SYN3: variants seen among roughly 807,000 people sequenced by gnomAD.
The protein encoded by SYN3 is synapsin-3.
Under a neutral mutation model 65.8 loss-of-function variants are expected in SYN3, and 35 were observed. The observed-to-expected ratio is 0.53, with a 90% CI of 0.41 to 0.70. The LOEUF is 0.70. Ranked by LOEUF, SYN3 falls within the 30% of genes least tolerant of loss-of-function variation. The pLI is 0.00. For synonymous variants in SYN3, 270 were observed against 292.9 expected, an observed-to-expected ratio of 0.92 and a Z score of 0.80; for missense variants, 680 against 749.0, an observed-to-expected ratio of 0.91 and a Z score of 1.08.
At chr22:32,651,311 C>A (rs963326208) in intron 6 of SYN3, among the ~76,000 whole-genome samples, 25 of 151,976 alleles carry the variant, frequency 1.6e-4, no homozygotes, top group Admixed American at 9.2e-4. Context: ...GGAGTCAGTG[C>A]CCCAGAGGAA....
At position 32,549,792 on chromosome 22, in the gene SYN3, G is replaced by A. The variant is rs190062344; in HGVS notation, c.775-8079C>T. Among the ~76,000 whole-genome samples, 13 of 152,026 alleles carry A rather than the reference G, an allele frequency of 8.6e-5. No individual in the cohort carries two copies. In the East Asian group the frequency reaches 2.0e-3, roughly 23 times the overall value. ...TGTGCACCTGTACTTGGAAGGCTGA[G>A]GGAAGAGAATTGCTTGAACCCAGGA... On this transcript the variant is annotated intron_variant, in intron 7 of 13. Transcript: ENST00000358763.
At chr22:32,667,119 C>CAGGG (rs1315298338) in intron 6 of SYN3, among the ~76,000 whole-genome samples, 2 of 152,188 alleles carry the variant, frequency 1.3e-5, no homozygotes, top group African/African-American at 4.8e-5. Flanking sequence ...AACCAAATCT[C>CAGGG]AGGGTAACAT....
intron 6 of SYN3, among the ~76,000 whole-genome samples, chr22:32,864,421 T>C (rs1377879449): frequency 6.6e-5 from 10 of 152,174 alleles, no homozygotes; most frequent in East Asian, 1.9e-4. Context: ...AGCTAAGCCC[T>C]GCTTCCCAGA....
At chr22:32,671,573 ACAAG>A (rs1415267774) in intron 6 of SYN3, among the ~76,000 whole-genome samples, 1 of 77,486 alleles carries the variant, frequency 1.3e-5, no homozygotes, top group Non-Finnish European at 3.8e-5. Context: ...ATGCTCTCAA[ACAAG>A]TGCACACACA....
chr22:33,000,689 C>G (rs2053035104), intron 2 of SYN3, among the ~76,000 whole-genome samples: 1 of 152,216 alleles, frequency 6.6e-6, no homozygotes, highest in African/African-American at 2.4e-5. Flanking sequence ...TCTGTCCAGA[C>G]TGCAGCTCCT....
At chr22:32,866,679 G>A (rs549682139) in intron 5 of SYN3, among the ~76,000 whole-genome samples, 28 of 152,238 alleles carry the variant, frequency 1.8e-4, no homozygotes, top group African/African-American at 6.5e-4. Context: ...ATAAAAGGTG[G>A]GGAAGGGCTA....
chr22:32,750,135 G>T (rs1398616845), intron 6 of SYN3, among the ~76,000 whole-genome samples: 1 of 152,222 alleles, frequency 6.6e-6, no homozygotes, highest in Non-Finnish European at 1.5e-5. Flanking sequence ...ACAGGCAACA[G>T]ACACATAAAT....
At chr22:32,933,223 A>C (rs534702089) in intron 3 of SYN3, among the ~76,000 whole-genome samples, 14 of 152,336 alleles carry the variant, frequency 9.2e-5, no homozygotes, top group African/African-American at 3.4e-4. Context: ...TTAATGGATA[A>C]ACATAACCAC....
rs116953715 is a variant in SYN3, at chr22:32,619,831, G to A, written c.712-23095C>T. Reference sequence around the variant, plus strand: ...ACATTGCATGTTTCAGCTCTCTCTGGGACCCCGTAATCATTTTGTGAACTA... The same window carrying A: ...ACATTGCATGTTTCAGCTCTCTCTGAGACCCCGTAATCATTTTGTGAACTA... On this transcript the variant is annotated intron_variant, in intron 6 of 13. Coordinates refer to ENST00000358763, the MANE Select transcript of SYN3 (RefSeq NM_003490.4). 1.3e-4 allele frequency among the ~76,000 whole-genome samples: 20 copies of A among 152,254 alleles called. No homozygotes were observed. The East Asian group carries it at 3.7e-3, about 28-fold the overall frequency.
chr22:32,546,186 C>G (rs1462584632), intron 7 of SYN3, among the ~76,000 whole-genome samples: 1 of 152,188 alleles, frequency 6.6e-6, no homozygotes, highest in Non-Finnish European at 1.5e-5. Flanking sequence ...CCATTTCTGT[C>G]TCCCCATTAG....
intron 10 of SYN3, among the ~76,000 whole-genome samples, chr22:32,532,809 C>T (rs1043668809): frequency 9.2e-5 from 14 of 152,108 alleles, no homozygotes; most frequent in African/African-American, 2.9e-4. Flanking sequence ...AGGGGACGGC[C>T]GCAGGGCTCT....
At chr22:32,564,040 G>C (rs965194955) in intron 7 of SYN3, among the ~76,000 whole-genome samples, 1 of 152,210 alleles carries the variant, frequency 6.6e-6, no homozygotes, top group Non-Finnish European at 1.5e-5. Context: ...ATGGATGGGA[G>C]GGGCCAGCTG....
At position 32,604,273 on chromosome 22, in the gene SYN3, G is replaced by A. The variant is rs573497050; in HGVS notation, c.712-7537C>T. On this transcript the variant is annotated intron_variant, in intron 6 of 13. Transcript: ENST00000358763. ...TGAAGTCTGGGAAGACTTCCAGGAGGAGCTGGCCTCCATTTCCTGCCTCCA... is the reference window on the plus strand; with the variant it reads ...TGAAGTCTGGGAAGACTTCCAGGAGAAGCTGGCCTCCATTTCCTGCCTCCA... Among the ~76,000 whole-genome samples, 4 of 152,286 alleles carry A rather than the reference G, an allele frequency of 2.6e-5. 1 individual carries two copies. The highest frequency in any genetic ancestry group is 4.8e-5 in the African/African-American group (2 of 41,558).
chr22:32,614,829 C>T (rs9609602), intron 6 of SYN3, among the ~76,000 whole-genome samples: 1 of 152,160 alleles, frequency 6.6e-6, no homozygotes, highest in Admixed American at 6.5e-5. Context: ...GCCCCCTCCT[C>T]GGAATCCAGA....
At chr22:32,922,304 A>G (rs759022837) in intron 4 of SYN3, among the ~76,000 whole-genome samples, 10 of 152,110 alleles carry the variant, frequency 6.6e-5, no homozygotes, top group Non-Finnish European at 1.5e-4. Context: ...GGAGAACTGG[A>G]TGTCATTACC....
intron 3 of SYN3, among the ~76,000 whole-genome samples, chr22:32,971,080 G>A (rs1308800361): frequency 1.3e-5 from 2 of 152,130 alleles, no homozygotes; most frequent in South Asian, 2.1e-4. Flanking sequence ...CACTTAATGC[G>A]GCACCTAGCA....
intron 6 of SYN3, among the ~76,000 whole-genome samples, chr22:32,796,799 C>T (rs565514519): frequency 6.6e-6 from 1 of 152,244 alleles, no homozygotes; most frequent in South Asian, 2.1e-4. Context: ...GTACCTTCTC[C>T]AGGTTGAATT....
rs1236907609 is a variant in SYN3 at position 32,508,473 on chromosome 22, T to C, written c.*5219A>G. 6.6e-6 allele frequency among the ~76,000 whole-genome samples: 1 copy of C among 152,186 alleles called. No individual in the cohort carries two copies. Among genetic ancestry groups the C allele is most frequent in the Non-Finnish European group, 1.5e-5 (1 of 68,036 alleles). On this transcript the variant is annotated 3_prime_UTR_variant, in exon 14 of 14. Coordinates refer to ENST00000358763, the MANE Select transcript of SYN3 (RefSeq NM_003490.4). ...CCATGTTGCTCACACAAAGCCTGTT[T>C]AGTGGTCTCTTCACACAGACGCGCA...
At chr22:32,821,577 A>T (rs2047247097) in intron 6 of SYN3, among the ~76,000 whole-genome samples, 1 of 152,218 alleles carries the variant, frequency 6.6e-6, no homozygotes, top group South Asian at 2.1e-4. Context: ...CTGGTTCTGA[A>T]ATCACAGAAT....
Sources: gnomAD v4.1 joint callset for allele counts (sites outside exome capture counted in the v4.1 genomes callset) on GRCh38, gnomAD v4.1.1 for gene constraint, MANE v1.5 for transcripts, NCBI Gene and HGNC (gene_info 2026-07-23, HGNC 2026-07-21) for gene names.